ANKS1B: variants seen among roughly 807,000 people sequenced by gnomAD.
The protein encoded by ANKS1B is ankyrin repeat and sterile alpha motif domain containing 1B.
Under a neutral mutation model 148.3 loss-of-function variants are expected in ANKS1B, and 36 were observed. The observed-to-expected ratio is 0.24, with a 90% CI of 0.19 to 0.32. ANKS1B has a LOEUF of 0.32. Among genes scored for constraint, ANKS1B ranks in the 10% least tolerant of loss-of-function variants. ANKS1B has a pLI of 1.00. For synonymous variants in ANKS1B, 542 were observed against 560.8 expected (o/e 0.97, Z 0.47); for missense variants, 1,157 against 1,542.6 (o/e 0.75, Z 4.19).
chr12:98,782,180 G>A (rs756967304), intron 22 of ANKS1B, 43 bp from the exon 23 acceptor site: 1 of 1,539,680 alleles, frequency 6.5e-7, no homozygotes, highest in South Asian at 1.2e-5. Flanking sequence ...CATAATAGGA[G>A]AGAAAACATA....
chr12:98,830,216 C>T (rs2099290619), intron 18 of ANKS1B, among the ~76,000 whole-genome samples: 1 of 152,114 alleles, frequency 6.6e-6, no homozygotes, highest in East Asian at 1.9e-4. Flanking sequence ...ATATCTTTCT[C>T]TCCTTCCATG....
chr12:99,089,920 G>A (rs1462667237), intron 15 of ANKS1B, among the ~76,000 whole-genome samples: 1 of 152,162 alleles, frequency 6.6e-6, no homozygotes, highest in Non-Finnish European at 1.5e-5. Context: ...TTTCTAGAAT[G>A]ATCAAAGACC....
At chr12:99,423,382 G>A (rs2095154736) in intron 11 of ANKS1B, among the ~76,000 whole-genome samples, 1 of 152,152 alleles carries the variant, frequency 6.6e-6, no homozygotes, top group African/African-American at 2.4e-5. Flanking sequence ...ATACACTGTT[G>A]GTGGGAGTGT....
At chr12:99,009,635 CTA>C (rs1286999989) in intron 17 of ANKS1B, among the ~76,000 whole-genome samples, 1 of 152,092 alleles carries the variant, frequency 6.6e-6, no homozygotes, top group Non-Finnish European at 1.5e-5. Flanking sequence ...ATGCATAACT[CTA>C]TCTCTCCATA....
chr12:99,256,344 T>G (rs756151762), intron 12 of ANKS1B, among the ~76,000 whole-genome samples: 1 of 152,184 alleles, frequency 6.6e-6, no homozygotes, highest in African/African-American at 2.4e-5. Context: ...TAGAGCATTT[T>G]ACATTCAATT....
chr12:99,360,470 C>T (rs2092378802), intron 12 of ANKS1B, among the ~76,000 whole-genome samples: 1 of 152,084 alleles, frequency 6.6e-6, no homozygotes. Context: ...TCATCCCCTC[C>T]CTCATCACAG....
intron 9 of ANKS1B, among the ~76,000 whole-genome samples, chr12:99,542,912 A>G (rs530813486): frequency 3.9e-4 from 60 of 152,240 alleles, no homozygotes; most frequent in Admixed American, 4.6e-4. Context: ...ATAAATCTTC[A>G]TGACCTTGGA....
chr12:98,780,117 C>A (rs1393326895), intron 24 of ANKS1B, among the ~76,000 whole-genome samples: 1 of 152,184 alleles, frequency 6.6e-6, no homozygotes, highest in Non-Finnish European at 1.5e-5. Flanking sequence ...GAACCTAAAT[C>A]CAGTTGCCTT....
intron 17 of ANKS1B, among the ~76,000 whole-genome samples, chr12:98,852,482 G>A (rs1255356338): frequency 3.9e-5 from 6 of 152,154 alleles, no homozygotes; most frequent in Middle Eastern, 3.2e-3. Context: ...GGAACATGAG[G>A]CTCTGGGAGT....
chr12:99,594,963 T>C (rs924887569), intron 9 of ANKS1B, among the ~76,000 whole-genome samples: 2 of 152,008 alleles, frequency 1.3e-5, no homozygotes, highest in East Asian at 3.8e-4. Flanking sequence ...CAAATTCTAA[T>C]CTTTTACATA....
At chr12:99,211,590 A>C (rs1229990582) in intron 14 of ANKS1B, among the ~76,000 whole-genome samples, 1 of 152,228 alleles carries the variant, frequency 6.6e-6, no homozygotes, top group Non-Finnish European at 1.5e-5. Context: ...TACAATTTTT[A>C]AACTGAATTT....
At chr12:98,981,053 C>A (rs1334542029) in intron 17 of ANKS1B, among the ~76,000 whole-genome samples, 2 of 151,764 alleles carry the variant, frequency 1.3e-5, no homozygotes, top group Non-Finnish European at 2.9e-5. Context: ...TATCTGTAAT[C>A]CCAGCACTTT....
chr12:99,399,694 C>T lies in ANKS1B; in HGVS notation c.1693G>A (p.Ala565Thr), dbSNP rs1481509210. The T allele has an allele frequency of 1.9e-6, 3 of 1,613,558 alleles. No homozygotes were observed. The highest frequency in any genetic ancestry group is 4.5e-5 in the East Asian group (2 of 44,878). Residue 565 changes from alanine (A) to threonine (T), a missense_variant, in exon 12 of 27, where the codon GCT (alanine) becomes ACT (threonine). Coordinates refer to ENST00000683438, the MANE Select transcript of ANKS1B (RefSeq NM_001352186.2). ...CCCACAGAAGAGGTGGGTGGACTAG[C>T]AGGAGGACTGGCAGTAAAGCTTGTG... Reference protein sequence around the residue: ...GCTSFTASPPASPPTSSVGTT... With the variant: ...GCTSFTASPPTSPPTSSVGTT...
chr12:99,591,877 T>A (rs1015252475), intron 9 of ANKS1B, among the ~76,000 whole-genome samples: 1 of 152,208 alleles, frequency 6.6e-6, no homozygotes, highest in Non-Finnish European at 1.5e-5. Context: ...CCCTCACATC[T>A]AGAGCTGCAT....
intron 12 of ANKS1B, among the ~76,000 whole-genome samples, chr12:99,334,654 T>C (rs1412618554): frequency 6.6e-6 from 1 of 152,034 alleles, no homozygotes; most frequent in South Asian, 2.1e-4. Context: ...TAGAGAGTGA[T>C]TTTTTTCCTA....
chr12:99,966,652 A>G (rs2095488310), intron 1 of ANKS1B, among the ~76,000 whole-genome samples: 1 of 152,186 alleles, frequency 6.6e-6, no homozygotes, highest in African/African-American at 2.4e-5. Context: ...AGAAGAGTCT[A>G]TTTTCCAGCC....
chr12:99,551,474 T>A (rs2097216731), intron 9 of ANKS1B, among the ~76,000 whole-genome samples: 1 of 138,858 alleles, frequency 7.2e-6, no homozygotes, highest in Non-Finnish European at 1.5e-5. Context: ...AACCATAACC[T>A]AACAGTGTCA....
chr12:98,859,480 G>A (rs1267323091), intron 17 of ANKS1B, among the ~76,000 whole-genome samples: 1 of 152,196 alleles, frequency 6.6e-6, no homozygotes, highest in African/African-American at 2.4e-5. Flanking sequence ...AAGCCATTAT[G>A]AACAGTTTAC....
chr12:98,899,590 C>T (rs552394101), intron 17 of ANKS1B, among the ~76,000 whole-genome samples: 38 of 152,252 alleles, frequency 2.5e-4, no homozygotes, highest in Non-Finnish European at 4.1e-4. Context: ...ACGGCAGTTT[C>T]GGCTCATCCA....
Sources: allele counts gnomAD v4.1 joint callset (sites outside exome capture counted in the v4.1 genomes callset), GRCh38; gene constraint gnomAD v4.1.1; transcripts MANE v1.5; gene names NCBI Gene and HGNC (gene_info 2026-07-23, HGNC 2026-07-21).